TTC16: variants seen among roughly 807,000 people sequenced by gnomAD.
TTC16 encodes tetratricopeptide repeat protein 16.
Under a neutral mutation model 80.4 loss-of-function variants are expected in TTC16, and 66 were observed. The ratio of observed to expected loss-of-function variants is 0.82; its 90% CI spans 0.67 to 1.01. The LOEUF (loss-of-function observed/expected upper bound fraction) is 1.01, where lower values mean the gene tolerates loss of function less well. TTC16 is among the 50% of genes least tolerant of loss of function. TTC16 has a pLI of 0.00. For missense variants in TTC16, 1,070 were observed against 1,103.2 expected, an observed-to-expected ratio of 0.97 and a Z score of 0.43; for synonymous variants, 438 against 451.3, an observed-to-expected ratio of 0.97 and a Z score of 0.37.
chr9:127,726,614 C>A (rs139842836), intron 10 of TTC16, among the ~76,000 whole-genome samples: 2,246 of 151,950 alleles, frequency 0.015, 68 homozygotes, highest in African/African-American at 0.051. Context: ...ATGGTGAAAC[C>A]CCATCTCTAC....
At chr9:127,730,464 C>G in intron 13 of TTC16, 172 bp from the exon 14 acceptor site, 1 of 957,224 alleles carries the variant, frequency 1.0e-6, no homozygotes, top group South Asian at 1.8e-5. Flanking sequence ...AGCCCCACCC[C>G]TCAGGGTCTG....
rs1844362696 is a variant in TTC16, at chr9:127,730,892, C to T, written c.2109C>T (p.His703=). 4 of 1,613,190 alleles carry T rather than the reference C, an allele frequency of 2.5e-6. No individual in the cohort carries two copies. The East Asian group carries it at 8.9e-5, about 36-fold the overall frequency. The change falls in exon 14 of 14, where the codon CAC becomes CAT. Residue 703 remains histidine (H), a synonymous_variant. Transcript: ENST00000373289. The part of the protein sequence containing the change: ...RNSSKTKATI[H]KRNSSKTKAT... ...CCAGCAAGACCAAGGCCACTATACACAAGAGGAACTCCAGCAAGACCAAGG... is the reference window on the plus strand; with the variant it reads ...CCAGCAAGACCAAGGCCACTATACATAAGAGGAACTCCAGCAAGACCAAGG...
Position 127,716,825 on chromosome 9 carries a change from T to C in TTC16, c.19-19T>C. 1 of 1,596,356 alleles carries C rather than the reference T, an allele frequency of 6.3e-7. No individual in the cohort carries two copies. Among genetic ancestry groups the C allele is most frequent in the Non-Finnish European group, 8.6e-7 (1 of 1,167,208 alleles). On this transcript the variant is annotated intron_variant, in intron 1 of 13. Transcript: ENST00000373289. ...GTCGTCTCGGGGGCCTGCTCCAGCT[T>C]GCTGTCCTTCGGTTCTAGGATGCCC...
intron 6 of TTC16, 64 bp from the exon 7 acceptor site, chr9:127,723,055 A>G: frequency 6.4e-7 from 1 of 1,550,824 alleles, no homozygotes; most frequent in East Asian, 2.3e-5. Flanking sequence ...CTGCTGAAGA[A>G]AGGCCTCTAG....
intron 6 of TTC16, among the ~76,000 whole-genome samples, chr9:127,720,873 C>CTCCCCCCTTCCTCCG (rs1843431892): frequency 1.8e-5 from 1 of 55,002 alleles, no homozygotes; most frequent in African/African-American, 8.7e-5. Context: ...CCCTTTCTCC[C>CTCCCCCCTTCCTCCG]TCCCCCTTCC....
At chr9:127,727,616 C>T in intron 12 of TTC16, 151 bp downstream of exon 12, 20 of 1,399,542 alleles carry the variant, frequency 1.4e-5, no homozygotes, top group Non-Finnish European at 1.9e-5. Context: ...GGACATCTTG[C>T]TATGAGATGG....
intron 3 of TTC16, 22 bp downstream of exon 3, chr9:127,717,446 G>A: frequency 6.2e-7 from 1 of 1,602,260 alleles, no homozygotes. Context: ...ACCTGGGTGG[G>A]CACAGGCAGT....
chr9:127,720,065 CCT>C lies in TTC16; in HGVS notation c.427-12_427-11del, dbSNP rs757793567. ...GGGTGGCAAGCAGAATTGACTGTCC[CCT>C]GTGTCCCCAGGGACAATGCCTTTTT... On this transcript the variant is annotated splice_polypyrimidine_tract_variant and intron_variant, in intron 4 of 13. Transcript: ENST00000373289. 70 of 1,612,526 alleles carry C rather than the reference CCT, an allele frequency of 4.3e-5. No individual in the cohort carries two copies. Among genetic ancestry groups the C allele is most frequent in the Non-Finnish European group, 5.0e-5 (59 of 1,179,002 alleles).
chr9:127,730,728 T>A lies in TTC16; in HGVS notation c.1945T>A (p.Ser649Thr). ...SATAVTFSDS[S>T]LLKTQSSDSG... ...CACCGCCGTGACATTCTCTGACTCG[T>A]CACTGTTGAAGACGCAATCCTCGGA... The change falls in exon 14 of 14, where the codon TCA (serine) becomes ACA (threonine). Residue 649 changes from serine (S) to threonine (T), a missense_variant. By Grantham distance (58) the Ser-to-Thr change is moderately conservative. Transcript: ENST00000373289. 1 of 1,613,550 alleles carries A rather than the reference T, an allele frequency of 6.2e-7. No individual in the cohort carries two copies. Among genetic ancestry groups the A allele is most frequent in the Non-Finnish European group, 8.5e-7 (1 of 1,180,020 alleles).
chr9:127,725,852 G>C (rs749994542), intron 9 of TTC16, among the ~76,000 whole-genome samples: 1 of 152,052 alleles, frequency 6.6e-6, no homozygotes, highest in Non-Finnish European at 1.5e-5. Flanking sequence ...CACCTGCCTT[G>C]GCCTCCCAAA....
In TTC16 at chr9:127,718,951, G is replaced by A. The variant is rs1308049166; in HGVS notation, c.427-1127G>A. 1.3e-5 allele frequency among the ~76,000 whole-genome samples: 2 copies of A among 150,182 alleles called. No individual in the cohort carries two copies. The highest frequency in any genetic ancestry group is 3.0e-5 in the Non-Finnish European group (2 of 67,614). ...TTCTTGGCCGGGCACGGTGGCTCAC[G>A]CCTGTAATCCCAGCACTTTGGGAGG... is the stretch of plus-strand genomic sequence containing the variant. On this transcript the variant is annotated intron_variant, in intron 4 of 13. Transcript: ENST00000373289. This position sits in a 1 kb window ranked among gnomAD's most constrained non-coding sequence, Gnocchi z 4.6.
At chr9:127,716,759 C>T in intron 1 of TTC16, 85 bp from the exon 2 acceptor site, 1 of 1,494,244 alleles carries the variant, frequency 6.7e-7, no homozygotes. Context: ...CGCCTCTCCT[C>T]CCTCCCTGCA....
At chr9:127,724,927 GGGGCAGGCCCGA>G in intron 9 of TTC16, 30 bp downstream of exon 9, 1 of 1,468,496 alleles carries the variant, frequency 6.8e-7, no homozygotes, top group Non-Finnish European at 9.0e-7. Context: ...CACGGTGGGC[GGGGCAGGCCCGA>G]GGGCAGGGCG....
intron 6 of TTC16, 76 bp downstream of exon 6, chr9:127,720,471 G>C (rs1175134436): frequency 2.5e-6 from 4 of 1,583,878 alleles, no homozygotes; most frequent in Non-Finnish European, 3.4e-6. Flanking sequence ...TGCAGGAAGA[G>C]GCAAGGCTGT....
chr9:127,722,703 C>T lies in TTC16; in HGVS notation c.658-416C>T, dbSNP rs553198024. ...AGGCATGGAGACTCAAACCTGTAATCCCAGCACTTCGGGAGGCCAAGGTGG... is the reference window on the plus strand; with the variant it reads ...AGGCATGGAGACTCAAACCTGTAATTCCAGCACTTCGGGAGGCCAAGGTGG... On this transcript the variant is annotated intron_variant, in intron 6 of 13. Transcript: ENST00000373289. The surrounding 1 kb of genome is among the most constrained non-coding windows in gnomAD (Gnocchi z 4.2). Among the ~76,000 whole-genome samples, 11 of 152,256 alleles carry T rather than the reference C, an allele frequency of 7.2e-5. No homozygotes were observed. In the South Asian group the frequency reaches 1.9e-3, roughly 26 times the overall value.
At position 127,727,298 on chromosome 9, in the gene TTC16, CAGA is replaced by C. The variant is rs1443110586; in HGVS notation, c.1600_1602del (p.Lys534del). 1 of 1,577,524 alleles carries C rather than the reference CAGA, an allele frequency of 6.3e-7. No individual in the cohort carries two copies. The highest frequency in any genetic ancestry group is 8.6e-7 in the Non-Finnish European group (1 of 1,159,332). On this transcript the variant is annotated inframe_deletion, in exon 12 of 14. Transcript: ENST00000373289. The stretch of plus-strand genomic sequence containing the variant: ...GCTTAAACGGCACGAGTTGGAGCGC[CAGA>C]AGGCCTTGGCCCTGCAGCACTCATG...
At position 127,729,364 on chromosome 9, in the gene TTC16, C is replaced by G. The variant is rs543759044; in HGVS notation, c.1765-217C>G. 1.3e-5 allele frequency: 7 copies of G among 538,984 alleles called. No homozygotes were observed. The African/African-American group carries it at 1.3e-4, about 10-fold the overall frequency. 33.4% of individuals were successfully genotyped at this position (538,984 alleles called of 1,614,324 possible). ...CAAGGCGCTAGCAGCTCCTTCAACA[C>G]AACCGTTCTCACGGCACCATGCCTG... On this transcript the variant is annotated intron_variant, in intron 12 of 13. Transcript: ENST00000373289.
chr9:127,726,963 G>A lies in TTC16; in HGVS notation c.1426-7G>A, dbSNP rs773199591. ...CACCTGGCTCTGGTCACCCCCTTTC[G>A]TGGCAGCTGTCCCTGCTGATGACCA... On this transcript the variant is annotated splice_region_variant and splice_polypyrimidine_tract_variant and intron_variant, in intron 10 of 13. Coordinates refer to ENST00000373289, the MANE Select transcript of TTC16 (RefSeq NM_144965.3). The A allele has an allele frequency of 9.3e-6, 15 of 1,613,034 alleles. No homozygotes were observed. Among genetic ancestry groups the A allele is most frequent in the African/African-American group, 4.0e-5 (3 of 74,942 alleles).
chr9:127,723,566 C>T (rs1350935982), intron 7 of TTC16, among the ~76,000 whole-genome samples: 1 of 152,256 alleles, frequency 6.6e-6, no homozygotes, highest in Non-Finnish European at 1.5e-5. Context: ...GAGCTGCAGC[C>T]TGCAAAGCAG....
Sources: allele counts gnomAD v4.1 joint callset (sites outside exome capture counted in the v4.1 genomes callset), GRCh38; gene constraint gnomAD v4.1.1; non-coding constraint Gnocchi (gnomAD v3.1); transcripts MANE v1.5; gene names NCBI Gene and HGNC (gene_info 2026-07-23, HGNC 2026-07-21).